GRID2: variants seen among roughly 807,000 people sequenced by gnomAD.
GRID2 encodes glutamate ionotropic receptor delta type subunit 2.
In GRID2, 33 loss-of-function variants were observed where a neutral mutation model predicts 114.8. The ratio of observed to expected loss-of-function variants is 0.29; its 90% CI spans 0.22 to 0.38. The LOEUF is 0.38. GRID2 is among the 10% of genes least tolerant of loss of function. The pLI is 1.00. For missense variants in GRID2, 1,184 were observed against 1,257.7 expected, an observed-to-expected ratio of 0.94 and a Z score of 0.89; for synonymous variants, 505 against 449.9, an observed-to-expected ratio of 1.12 and a Z score of -1.55.
chr4:93,500,322 A>G (rs1727972826), intron 12 of GRID2, among the ~76,000 whole-genome samples: 1 of 152,030 alleles, frequency 6.6e-6, no homozygotes, highest in Admixed American at 6.6e-5. Flanking sequence ...CATGAATAAT[A>G]TAACACAGTC....
intron 3 of GRID2, among the ~76,000 whole-genome samples, chr4:93,090,169 A>G (rs757028491): frequency 1.3e-5 from 2 of 152,250 alleles, no homozygotes; most frequent in Non-Finnish European, 2.9e-5. Context: ...GATCAAATCC[A>G]TTCAGTTTTT....
intron 13 of GRID2, among the ~76,000 whole-genome samples, chr4:93,607,767 T>C (rs776786105): frequency 6.6e-5 from 10 of 152,138 alleles, no homozygotes; most frequent in South Asian, 2.1e-4. Context: ...TACTCACCAC[T>C]AATGAGTTTG....
chr4:93,580,878 T>TAC (rs1491027151), intron 13 of GRID2, among the ~76,000 whole-genome samples: 1 of 141,716 alleles, frequency 7.1e-6, no homozygotes, highest in African/African-American at 2.9e-5. Flanking sequence ...AAATTGTCAT[T>TAC]ATATATATAT....
rs115081394 is a variant in GRID2, at chr4:93,027,416, C to T, written c.245-57579C>T. ...ATGCCTAGAAAACAAAAGATTAAAGCAAGTAATATATATATCACATGGACA... is the reference window on the plus strand; with the variant it reads ...ATGCCTAGAAAACAAAAGATTAAAGTAAGTAATATATATATCACATGGACA... On this transcript the variant is annotated intron_variant, in intron 2 of 15. Transcript: ENST00000282020. Among the ~76,000 whole-genome samples the T allele has an allele frequency of 3.0e-3, 456 of 152,124 alleles. 3 individuals are homozygous for T. Among genetic ancestry groups the T allele is most frequent in the African/African-American group, 0.011 (444 of 41,546 alleles).
At chr4:93,277,085 G>C (rs193173772) in intron 8 of GRID2, among the ~76,000 whole-genome samples, 1 of 151,894 alleles carries the variant, frequency 6.6e-6, no homozygotes, top group Non-Finnish European at 1.5e-5. Context: ...AGTGTTACAG[G>C]TCCCATAGTT....
chr4:93,199,221 GAA>G (rs1321661555), intron 4 of GRID2, among the ~76,000 whole-genome samples: 1 of 152,106 alleles, frequency 6.6e-6, no homozygotes, highest in Non-Finnish European at 1.5e-5. Context: ...AACTCACAGA[GAA>G]TTAAAGACAG....
intron 11 of GRID2, among the ~76,000 whole-genome samples, chr4:93,457,717 GT>G (rs951614483): frequency 1.3e-5 from 2 of 152,040 alleles, no homozygotes; most frequent in African/African-American, 2.4e-5. Flanking sequence ...TGGTGTGGGG[GT>G]CAGTACTGAA....
intron 1 of GRID2, among the ~76,000 whole-genome samples, chr4:92,423,789 A>G (rs1732018626): frequency 6.6e-6 from 1 of 152,146 alleles, no homozygotes; most frequent in Non-Finnish European, 1.5e-5. Flanking sequence ...AGCCGAAAGT[A>G]AGTTAGCACA....
At chr4:92,615,020 G>T (rs1729938753) in intron 2 of GRID2, among the ~76,000 whole-genome samples, 1 of 150,526 alleles carries the variant, frequency 6.6e-6, no homozygotes, top group Non-Finnish European at 1.5e-5. Context: ...AGTCTGGTCA[G>T]GCTACCAAAA....
intron 13 of GRID2, among the ~76,000 whole-genome samples, chr4:93,588,662 CAG>C (rs1737791235): frequency 6.6e-6 from 1 of 152,178 alleles, no homozygotes; most frequent in Non-Finnish European, 1.5e-5. Context: ...TTAAAGGCTG[CAG>C]AGTCACACTC....
rs374793887 is a variant in GRID2, at chr4:93,680,025, C to T, written c.2360+53590C>T. ...GAAAGGATCAACAAAATTGATAGAC[C>T]GCTAGCAAGACTAATAAAGAAAAAA... On this transcript the variant is annotated intron_variant, in intron 14 of 15. Transcript: ENST00000282020. Among the ~76,000 whole-genome samples the T allele has an allele frequency of 2.9e-3, 440 of 150,762 alleles. 11 individuals are homozygous for T. The highest frequency in any genetic ancestry group is 0.012 in the East Asian group (60 of 5,170).
intron 14 of GRID2, among the ~76,000 whole-genome samples, chr4:93,713,701 C>T (rs1409702057): frequency 6.6e-6 from 1 of 151,938 alleles, no homozygotes; most frequent in African/African-American, 2.4e-5. Flanking sequence ...AATAAATAAA[C>T]CCTAAAACAA....
intron 1 of GRID2, among the ~76,000 whole-genome samples, chr4:93,804,452 G>A (rs1255068769): frequency 6.6e-6 from 1 of 152,104 alleles, no homozygotes; most frequent in Non-Finnish European, 1.5e-5. Flanking sequence ...GAATACCGCA[G>A]GCAATTGTAA....
At chr4:93,318,269 A>G (rs1232938367) in intron 8 of GRID2, among the ~76,000 whole-genome samples, 7 of 151,748 alleles carry the variant, frequency 4.6e-5, no homozygotes, top group Non-Finnish European at 1.0e-4. Context: ...CTGGAAAAAT[A>G]TAATAATAAT....
At chr4:92,907,800 G>A (rs556815152) in intron 2 of GRID2, among the ~76,000 whole-genome samples, 2 of 152,196 alleles carry the variant, frequency 1.3e-5, no homozygotes, top group Admixed American at 6.5e-5. Flanking sequence ...GACATGGGCA[G>A]ATCACCTGAG....
At chr4:92,403,721 TAAATA>T (rs1232481795) in intron 1 of GRID2, among the ~76,000 whole-genome samples, 1 of 150,054 alleles carries the variant, frequency 6.7e-6, no homozygotes, top group Non-Finnish European at 1.5e-5. Flanking sequence ...AATAAATAAA[TAAATA>T]AATAAATAAA....
chr4:93,212,790 T>C (rs1362663073), intron 5 of GRID2, among the ~76,000 whole-genome samples: 1 of 151,996 alleles, frequency 6.6e-6, no homozygotes, highest in Admixed American at 6.6e-5. Context: ...TTTTTCTTTT[T>C]TGACAGAGTT....
chr4:93,792,963 T>C (rs930302086), intron 1 of GRID2, among the ~76,000 whole-genome samples: 2 of 152,202 alleles, frequency 1.3e-5, no homozygotes, highest in African/African-American at 4.8e-5. Flanking sequence ...CCACCTCTTC[T>C]AGTTAAACTG....
intron 2 of GRID2, among the ~76,000 whole-genome samples, chr4:92,921,230 T>A (rs1749304334): frequency 6.6e-6 from 1 of 152,124 alleles, no homozygotes; most frequent in South Asian, 2.1e-4. Context: ...CTGCATTGGT[T>A]ATTCTAGTTA....
Sources: allele counts gnomAD v4.1 joint callset (sites outside exome capture counted in the v4.1 genomes callset), GRCh38; gene constraint gnomAD v4.1.1; transcripts MANE v1.5; gene names NCBI Gene and HGNC (gene_info 2026-07-23, HGNC 2026-07-21).